RERE: variants seen among roughly 807,000 people sequenced by gnomAD.
RERE encodes arginine-glutamic acid dipeptide repeats protein.
A neutral mutation model predicts 146.1 loss-of-function variants in RERE; 40 were observed. The ratio of observed to expected loss-of-function variants is 0.27; its 90% CI spans 0.21 to 0.36. The LOEUF (loss-of-function observed/expected upper bound fraction) is 0.36, where lower values mean the gene tolerates loss of function less well. RERE is among the 10% of genes least tolerant of loss of function. RERE has a pLI of 1.00. For synonymous variants in RERE, 1,003 were observed against 866.0 expected, an observed-to-expected ratio of 1.16 and a Z score of -2.78; for missense variants, 1,933 against 2,138.7, an observed-to-expected ratio of 0.90 and a Z score of 1.90.
chr1:8,811,723 G>C (rs905981231), intron 1 of RERE, among the ~76,000 whole-genome samples: 1 of 152,224 alleles, frequency 6.6e-6, no homozygotes, highest in African/African-American at 2.4e-5. Context: ...GGTTTTTGTA[G>C]GAGGAGCTCT....
chr1:8,662,167 C>T (rs1365661338), intron 1 of RERE, among the ~76,000 whole-genome samples: 1 of 152,154 alleles, frequency 6.6e-6, no homozygotes, highest in African/African-American at 2.4e-5. Flanking sequence ...TATTAGATTC[C>T]CCACTTAATC....
At chr1:8,724,838 GA>G (rs60884837) in intron 1 of RERE, among the ~76,000 whole-genome samples, 80,358 of 123,742 alleles carry the variant, frequency 0.65, 23,209 homozygotes, top group East Asian at 0.85. Flanking sequence ...CAAAACAAAA[GA>G]AAAAAAAAAT....
At chr1:8,685,980 ATT>A (rs3044418) in intron 1 of RERE, among the ~76,000 whole-genome samples, 83,902 of 144,288 alleles carry the variant, frequency 0.58, 25,167 homozygotes, top group East Asian at 0.86. Flanking sequence ...TCTTTAGGTA[ATT>A]TTTTTTTTTT....
At chr1:8,699,195 G>T (rs963540394) in intron 1 of RERE, among the ~76,000 whole-genome samples, 1 of 152,108 alleles carries the variant, frequency 6.6e-6, no homozygotes, top group Non-Finnish European at 1.5e-5. Flanking sequence ...GCTAAGCATG[G>T]TCCTAAAGCA....
chr1:8,510,181 A>T (rs572392876), intron 7 of RERE, among the ~76,000 whole-genome samples: 2 of 152,316 alleles, frequency 1.3e-5, no homozygotes, highest in East Asian at 3.9e-4. Flanking sequence ...CAGCATCTGT[A>T]CCAAAACACC....
intron 12 of RERE, among the ~76,000 whole-genome samples, chr1:8,389,516 G>A (rs58682273): frequency 0.014 from 2,207 of 152,266 alleles, 58 homozygotes; most frequent in African/African-American, 0.05. Flanking sequence ...ACCCTAGCAC[G>A]AAAAGCCAAG....
At chr1:8,607,362 CAA>C (rs1358829755) in intron 4 of RERE, among the ~76,000 whole-genome samples, 39 of 84,016 alleles carry the variant, frequency 4.6e-4, no homozygotes, top group Admixed American at 6.5e-4. Context: ...ACCCTGTCTC[CAA>C]AAAAAAAAAA....
intron 12 of RERE, among the ~76,000 whole-genome samples, chr1:8,374,586 G>A (rs994969032): frequency 1.3e-5 from 2 of 152,068 alleles, no homozygotes; most frequent in African/African-American, 2.4e-5. Flanking sequence ...CCCTGGGCCG[G>A]CCCTCCCATG....
chr1:8,606,513 T>C (rs1646710686), intron 4 of RERE, among the ~76,000 whole-genome samples: 1 of 152,184 alleles, frequency 6.6e-6, no homozygotes, highest in African/African-American at 2.4e-5. Context: ...AATCTCCTCA[T>C]TTTATGAATG....
chr1:8,600,817 C>T (rs1466395527), intron 4 of RERE, among the ~76,000 whole-genome samples: 2 of 141,218 alleles, frequency 1.4e-5, no homozygotes, highest in Non-Finnish European at 3.0e-5. Context: ...TGCAGTGGTG[C>T]AATCTCGGCT....
At chr1:8,422,308 C>T (rs998854367) in intron 12 of RERE, among the ~76,000 whole-genome samples, 3 of 152,196 alleles carry the variant, frequency 2.0e-5, no homozygotes, top group African/African-American at 7.2e-5. Flanking sequence ...TCCCCCAGAA[C>T]TCAAAGTATA....
At position 8,355,452 on chromosome 1, in the gene RERE, C is replaced by A; in HGVS notation, c.4634G>T (p.Gly1545Val). 1 of 1,613,110 alleles carries A rather than the reference C, an allele frequency of 6.2e-7. No homozygotes were observed. The highest frequency in any genetic ancestry group is 1.1e-5 in the South Asian group (1 of 91,074). ...ATCTTCCTGACTTGGTAGGTGGCCA[C>A]CATGCATGTGGGGGTGTCCATGCAG... ...QWLHGHPHMH[G>V]GHLPSQEDYY... The change falls in exon 22 of 23, where the codon GGT becomes GTT. Residue 1545 changes from glycine (G) to valine (V), a missense_variant. Physicochemically the swap from Gly to Val is moderately radical, Grantham distance 109. Coordinates refer to ENST00000400908, the MANE Select transcript of RERE (RefSeq NM_001042681.2).
At chr1:8,801,462 T>C (rs2124591152) in intron 1 of RERE, among the ~76,000 whole-genome samples, 1 of 151,998 alleles carries the variant, frequency 6.6e-6, no homozygotes, top group South Asian at 2.1e-4. Context: ...AGAGATGGGG[T>C]TTCTCCATGT....
At chr1:8,502,471 T>G (rs1265670728) in intron 8 of RERE, among the ~76,000 whole-genome samples, 5 of 117,880 alleles carry the variant, frequency 4.2e-5, no homozygotes, top group African/African-American at 2.0e-4. Flanking sequence ...GGTGGGGGGG[T>G]CAGCCCCCTG....
At chr1:8,368,119 C>G (rs574759386) in intron 12 of RERE, among the ~76,000 whole-genome samples, 1 of 152,318 alleles carries the variant, frequency 6.6e-6, no homozygotes, top group South Asian at 2.1e-4. Flanking sequence ...AAAAAACTCA[C>G]AGTGGTTCCT....
intron 1 of RERE, among the ~76,000 whole-genome samples, chr1:8,815,665 T>A (rs1359745708): frequency 6.6e-6 from 1 of 152,146 alleles, no homozygotes; most frequent in Non-Finnish European, 1.5e-5. Flanking sequence ...CGGCCAGGCA[T>A]GAGATGGGTG....
At chr1:8,805,836 ACAAC>A (rs1423408037) in intron 1 of RERE, 1 of 144,020 alleles carries the variant, frequency 6.9e-6, no homozygotes, top group Admixed American at 7.3e-5. Flanking sequence ...ACAAAACAAA[ACAAC>A]CTTCTTTTTT....
intron 3 of RERE, among the ~76,000 whole-genome samples, chr1:8,621,684 T>C (rs550821585): frequency 6.6e-6 from 1 of 152,162 alleles, no homozygotes; most frequent in African/African-American, 2.4e-5. Flanking sequence ...AGCCATCGGG[T>C]TTTTGTTTCT....
intron 2 of RERE, among the ~76,000 whole-genome samples, chr1:8,637,291 A>G (rs1647113509): frequency 6.6e-6 from 1 of 152,280 alleles, no homozygotes; most frequent in East Asian, 1.9e-4. Context: ...ACAAGTAGGA[A>G]TAAGTGATGT....
Sources: gnomAD v4.1 joint callset for allele counts (sites outside exome capture counted in the v4.1 genomes callset) on GRCh38, gnomAD v4.1.1 for gene constraint, MANE v1.5 for transcripts, NCBI Gene and HGNC (gene_info 2026-07-23, HGNC 2026-07-21) for gene names.